UXS1: variants seen among roughly 807,000 people sequenced by gnomAD.
The protein encoded by UXS1 is UDP-glucuronic acid decarboxylase 1.
UXS1 carries 33 observed loss-of-function variants against 62.6 expected under a neutral mutation model. That is an observed-to-expected ratio of 0.53 (90% CI 0.40 to 0.70). UXS1 has a LOEUF of 0.70. Ranked by LOEUF, UXS1 falls within the 30% of genes least tolerant of loss-of-function variation. The probability of loss-of-function intolerance (pLI) is 0.00; values close to 1 mark genes in which losing one functional copy is unlikely to be tolerated. For missense variants in UXS1, 434 were observed against 556.3 expected (o/e 0.78, Z 2.21); for synonymous variants, 213 against 206.8 (o/e 1.03, Z -0.26).
Position 106,112,668 on chromosome 2 carries a change from G to A in UXS1, c.857C>T (p.Ala286Val), listed in dbSNP as rs372429040. The A allele has an allele frequency of 5.8e-5, 93 of 1,613,860 alleles. 1 individual carries two copies. Among genetic ancestry groups the A allele is most frequent in the South Asian group, 7.7e-5 (7 of 91,080 alleles). Residue 286 changes from alanine to valine, a missense_variant, in exon 10 of 15, where the codon GCG (alanine) becomes GTG (valine). Transcript: ENST00000283148. ...GRVVSNFILQALQGEPLTVYG... is the reference protein window; with the variant it reads ...GRVVSNFILQVLQGEPLTVYG... ...TACCGTGAGTGGCTCCCCCTGGAGC[G>A]CCTGCAGGATGAAGTTGCTGACTAC... is the stretch of plus-strand genomic sequence containing the variant.
intron 9 of UXS1, among the ~76,000 whole-genome samples, chr2:106,121,811 C>G (rs896795233): frequency 6.6e-6 from 1 of 152,198 alleles, no homozygotes; most frequent in South Asian, 2.1e-4. Context: ...TTTCATTAAA[C>G]ACATGATGAG....
rs538685445 is a variant in UXS1 at position 106,127,198 on chromosome 2, T to C, written c.578-1519A>G. On this transcript the variant is annotated intron_variant, in intron 7 of 14. Coordinates refer to ENST00000283148, the MANE Select transcript of UXS1 (RefSeq NM_001253875.2). ...TTGACCTCTACAAGTAAAGCTGCTA[T>C]GAACATTCACACAGGTTTTCATGTG... 3.3e-5 allele frequency among the ~76,000 whole-genome samples: 5 copies of C among 152,340 alleles called. No individual in the cohort carries two copies. In the East Asian group the frequency reaches 7.7e-4, roughly 24 times the overall value.
intron 4 of UXS1, chr2:106,159,077 T>G (rs1056055850): frequency 9.2e-5 from 14 of 152,306 alleles, no homozygotes; most frequent in African/African-American, 3.1e-4. Flanking sequence ...GGGAGGCAGA[T>G]TTGAGAAACC....
chr2:106,166,062 T>A lies in UXS1; in HGVS notation c.116A>T (p.Asn39Ile). The change falls in exon 2 of 15, where the codon AAT becomes ATT. Residue 39 changes from asparagine to isoleucine, a missense_variant. Asn to Ile is a moderately radical substitution (Grantham distance 149). Coordinates refer to ENST00000283148, the MANE Select transcript of UXS1 (RefSeq NM_001253875.2). The stretch of plus-strand genomic sequence containing the variant: ...AGTAATTAAAAACAATTACCTCATA[T>A]TAACGAAGTTGCCCCAAACAGCTGT... ...YVASVWGNFV[N>I]MSFLLNRSIQ... 6.2e-7 allele frequency: 1 copy of A among 1,611,784 alleles called. No homozygotes were observed. The highest frequency in any genetic ancestry group is 8.5e-7 in the Non-Finnish European group (1 of 1,179,184).
intron 5 of UXS1, among the ~76,000 whole-genome samples, chr2:106,155,228 A>G (rs1477328564): frequency 6.6e-6 from 1 of 152,212 alleles, no homozygotes; most frequent in Non-Finnish European, 1.5e-5. Context: ...CTATCAACAT[A>G]TTTAAAGTGT....
At chr2:106,104,118 A>C (rs1300802766) in intron 11 of UXS1, among the ~76,000 whole-genome samples, 1 of 152,190 alleles carries the variant, frequency 6.6e-6, no homozygotes, top group Non-Finnish European at 1.5e-5. Context: ...GTTTTACAAC[A>C]ATTCAGGATA....
At chr2:106,120,591 G>A (rs1381234330) in intron 9 of UXS1, among the ~76,000 whole-genome samples, 1 of 152,220 alleles carries the variant, frequency 6.6e-6, no homozygotes, top group Non-Finnish European at 1.5e-5. Context: ...ACAGTTTACT[G>A]ACCTGTTGGC....
intron 13 of UXS1, among the ~76,000 whole-genome samples, chr2:106,097,912 G>C (rs1339070728): frequency 7.2e-5 from 11 of 152,258 alleles, no homozygotes; most frequent in Non-Finnish European, 1.6e-4. Flanking sequence ...ACTGCCACGA[G>C]CAACGGGAGG....
chr2:106,095,803 CA>C (rs949646042), intron 14 of UXS1, among the ~76,000 whole-genome samples: 11 of 152,354 alleles, frequency 7.2e-5, no homozygotes, highest in African/African-American at 2.6e-4. Flanking sequence ...CCTCCCTACA[CA>C]GGTGGTCTCT....
At chr2:106,129,565 G>T in intron 7 of UXS1, 109 bp downstream of exon 7, 1 of 927,218 alleles carries the variant, frequency 1.1e-6, no homozygotes. Flanking sequence ...AATAAGGGAC[G>T]AGGGAACACA....
chr2:106,120,592 A>C (rs545360864), intron 9 of UXS1, among the ~76,000 whole-genome samples: 1 of 152,264 alleles, frequency 6.6e-6, no homozygotes, highest in Non-Finnish European at 1.5e-5. Flanking sequence ...CAGTTTACTG[A>C]CCTGTTGGCC....
chr2:106,106,041 G>A (rs890500082), intron 10 of UXS1, among the ~76,000 whole-genome samples: 2 of 152,190 alleles, frequency 1.3e-5, no homozygotes, highest in African/African-American at 4.8e-5. Flanking sequence ...GCTCTGAGAA[G>A]GAAAAGGGGA....
intron 12 of UXS1, among the ~76,000 whole-genome samples, chr2:106,099,394 A>G (rs532138663): frequency 6.6e-6 from 1 of 152,170 alleles, no homozygotes; most frequent in Non-Finnish European, 1.5e-5. Context: ...TGCCCTCATC[A>G]TAAGAGACCA....
intron 9 of UXS1, among the ~76,000 whole-genome samples, chr2:106,116,656 A>G (rs1011837141): frequency 2.6e-5 from 4 of 152,178 alleles, no homozygotes. Context: ...TGCTTAATCT[A>G]AACATTTATA....
In UXS1 at chr2:106,101,109, C is replaced by T; in HGVS notation, c.933G>A (p.Val311=). ...TRAFQYVSDL[V]NGLVALMNSN... ...TGTTCATGAGAGCCACGAGGCCATTCACTAGATCGCTGGAAAAAAAGGGGA... is the reference window on the plus strand; with the variant it reads ...TGTTCATGAGAGCCACGAGGCCATTTACTAGATCGCTGGAAAAAAAGGGGA... The change falls in exon 12 of 15, where the codon GTG becomes GTA. Residue 311 remains valine, a synonymous_variant. Coordinates refer to ENST00000283148, the MANE Select transcript of UXS1 (RefSeq NM_001253875.2). 6.2e-7 allele frequency: 1 copy of T among 1,613,856 alleles called. No homozygotes were observed. The highest frequency in any genetic ancestry group is 1.3e-5 in the African/African-American group (1 of 74,972).
At chr2:106,110,642 CT>C (rs1678508568) in intron 10 of UXS1, among the ~76,000 whole-genome samples, 1 of 152,202 alleles carries the variant, frequency 6.6e-6, no homozygotes, top group Non-Finnish European at 1.5e-5. Flanking sequence ...ACCACTTTCA[CT>C]TACCATAAAG....
At chr2:106,164,876 C>T (rs192712082) in intron 2 of UXS1, 77 bp from the exon 3 acceptor site, 18,989 of 1,052,694 alleles carry the variant, frequency 0.018, 240 homozygotes, top group Admixed American at 0.024. Context: ...CATAACCCAA[C>T]GGATGCAGAC....
At chr2:106,121,548 T>C (rs1240509399) in intron 9 of UXS1, among the ~76,000 whole-genome samples, 2 of 152,210 alleles carry the variant, frequency 1.3e-5, no homozygotes, top group African/African-American at 4.8e-5. Context: ...TAAGTACCCA[T>C]GCACACAGAG....
rs538679968 is a variant in UXS1, at chr2:106,145,275, G to A, written c.387C>T (p.Gly129=). ...EVTVVDNFFT[G]RKRNVEHWIG... is the part of the protein sequence containing the mutation. Reference sequence around the variant, plus strand: ...TCCAGTGCTCCACGTTTCTCTTCCTGCCCGTGAAGAAATTGTCCACCACGG... The same window carrying A: ...TCCAGTGCTCCACGTTTCTCTTCCTACCCGTGAAGAAATTGTCCACCACGG... Residue 129 remains glycine (G), a synonymous_variant, in exon 6 of 15, where the codon GGC becomes GGT. Transcript: ENST00000283148. 74 of 1,613,946 alleles carry A rather than the reference G, an allele frequency of 4.6e-5. No homozygotes were observed. In the South Asian group the frequency reaches 7.6e-4, roughly 17 times the overall value.
Sources: allele counts gnomAD v4.1 joint callset (sites outside exome capture counted in the v4.1 genomes callset), GRCh38; gene constraint gnomAD v4.1.1; transcripts MANE v1.5; gene names NCBI Gene and HGNC (gene_info 2026-07-23, HGNC 2026-07-21).